The following UBAP2L variants were observed in gnomAD, a reference collection of about 807,000 sequenced individuals.
The protein encoded by UBAP2L is ubiquitin-associated protein 2-like.
Under a neutral mutation model 130.6 loss-of-function variants are expected in UBAP2L, and 12 were observed. The observed-to-expected ratio is 0.09, with a 90% CI of 0.06 to 0.15. The LOEUF is 0.15. Ranked by LOEUF, UBAP2L falls within the 10% of genes least tolerant of loss-of-function variation. UBAP2L has a pLI of 1.00. For synonymous variants in UBAP2L, 503 were observed against 524.7 expected (o/e 0.96, Z 0.57); for missense variants, 965 against 1,332.5 (o/e 0.72, Z 4.29).
intron 2 of UBAP2L, among the ~76,000 whole-genome samples, chr1:154,226,827 G>A (rs532287301): frequency 2.0e-5 from 3 of 152,106 alleles, no homozygotes; most frequent in Non-Finnish European, 4.4e-5. Context: ...ACTGATTTAA[G>A]CATCTTTTTT....
upstream of UBAP2L, chr1:154,220,505 G>A (rs1190390370): frequency 8.7e-6 from 12 of 1,379,074 alleles, no homozygotes; most frequent in East Asian, 2.8e-4. Context: ...GTCCCCTGGA[G>A]CTCCCCGGCC....
chr1:154,243,495 G>C (rs1455215574), intron 10 of UBAP2L, among the ~76,000 whole-genome samples, 193 bp downstream of exon 10: 4 of 151,296 alleles, frequency 2.6e-5, no homozygotes, highest in Non-Finnish European at 5.9e-5. Context: ...GAGTCTCACT[G>C]TATCGGCCAG....
chr1:154,253,470 C>T lies in UBAP2L; in HGVS notation c.1665-430C>T, dbSNP rs558822817. Among the ~76,000 whole-genome samples the T allele has an allele frequency of 8.7e-5, 13 of 148,798 alleles. No homozygotes were observed. The East Asian group carries it at 1.6e-3, about 18-fold the overall frequency. ...CTTGATCTCGGCTCACTGCAAGCTG[C>T]GCCTCCCGGGTTCATGCCAGTCTCC... On this transcript the variant is annotated intron_variant, in intron 14 of 26. Coordinates refer to ENST00000428931, the MANE Select transcript of UBAP2L (RefSeq NM_014847.4).
chr1:154,229,097 T>G (rs1668946161), intron 4 of UBAP2L, among the ~76,000 whole-genome samples: 1 of 151,250 alleles, frequency 6.6e-6, no homozygotes, highest in Non-Finnish European at 1.5e-5. Flanking sequence ...TGATTCTGTT[T>G]TTTTTTCTTT....
chr1:154,220,192 C>T (rs182456089), upstream of UBAP2L: 118 of 1,028,272 alleles, frequency 1.1e-4, no homozygotes, highest in East Asian at 2.8e-3. Context: ...GACTAAGTGA[C>T]TTAAACTCCC....
chr1:154,223,990 A>G (rs1301901175), intron 1 of UBAP2L, among the ~76,000 whole-genome samples: 2 of 152,228 alleles, frequency 1.3e-5, no homozygotes, highest in African/African-American at 4.8e-5. Flanking sequence ...GTAACCTATT[A>G]TTTTGAACAC....
At chr1:154,267,151 G>GTTTTTTTTT (rs36051247) in intron 25 of UBAP2L, among the ~76,000 whole-genome samples, 1 of 108,622 alleles carries the variant, frequency 9.2e-6, no homozygotes, top group African/African-American at 3.3e-5. Flanking sequence ...TATCCAACGA[G>GTTTTTTTTT]TTTTTTTTTT....
At chr1:154,246,110 A>C in intron 10 of UBAP2L, 94 bp from the exon 11 acceptor site, 3 of 1,372,748 alleles carry the variant, frequency 2.2e-6, no homozygotes, top group Non-Finnish European at 3.0e-6. Context: ...AAGCCCCAGC[A>C]AGTGGCTTCA....
chr1:154,268,663 G>C, intron 25 of UBAP2L, 94 bp from the exon 26 acceptor site: 1 of 1,270,724 alleles, frequency 7.9e-7, no homozygotes. Context: ...ACACCATGCT[G>C]CTTTCTGAGG....
At chr1:154,260,866 G>A in intron 22 of UBAP2L, 26 bp from the exon 23 acceptor site, 1 of 1,610,588 alleles carries the variant, frequency 6.2e-7, no homozygotes. Context: ...GAAAGAGGCA[G>A]GTACATTTAG....
At position 154,236,479 on chromosome 1, in the gene UBAP2L, C is replaced by A. The variant is rs1053412339; in HGVS notation, c.545-87C>A. 3.5e-6 allele frequency: 5 copies of A among 1,423,844 alleles called. No homozygotes were observed. The Admixed American group carries it at 5.1e-5, about 14-fold the overall frequency. 88.2% of individuals were successfully genotyped at this position (1,423,844 alleles called of 1,614,324 possible). On this transcript the variant is annotated intron_variant, in intron 6 of 26. Transcript: ENST00000428931. ...CCTTTCAAAGTGCTGGGATTACCAC[C>A]GGGAGCCACTGTGCCTGCCTGGCAA...
intron 14 of UBAP2L, among the ~76,000 whole-genome samples, chr1:154,253,651 C>T (rs1203126431): frequency 3.3e-5 from 5 of 152,130 alleles, no homozygotes; most frequent in Admixed American, 2.0e-4. Flanking sequence ...GGATTACAGG[C>T]GTGAGCCACT....
rs1246874540 is a variant in UBAP2L, at chr1:154,250,961, A to G, written c.1214-80A>G. ...TTTCTGATTTTTACAGTCCTCATTC[A>G]TGGTGCTAGTGCAGGACAATAGCAT... On this transcript the variant is annotated intron_variant, in intron 12 of 26. Coordinates refer to ENST00000428931, the MANE Select transcript of UBAP2L (RefSeq NM_014847.4). The G allele has an allele frequency of 2.1e-6, 3 of 1,438,174 alleles. No individual in the cohort carries two copies. In the Admixed American group the frequency reaches 6.5e-5, roughly 31 times the overall value. 89.1% of individuals were successfully genotyped at this position (1,438,174 alleles called of 1,614,324 possible).
intron 8 of UBAP2L, among the ~76,000 whole-genome samples, chr1:154,239,325 C>T (rs947206139): frequency 1.3e-5 from 2 of 151,988 alleles, no homozygotes; most frequent in African/African-American, 4.8e-5. Flanking sequence ...CAGACTGCTC[C>T]TGGTATGATA....
rs577091763 is a variant in UBAP2L, at chr1:154,254,861, C to T, written c.1880C>T (p.Thr627Met). The T allele has an allele frequency of 1.2e-5, 19 of 1,603,198 alleles. No homozygotes were observed. Among genetic ancestry groups the T allele is most frequent in the African/African-American group, 2.7e-5 (2 of 73,802 alleles). The change falls in exon 16 of 27, where the codon ACG becomes ATG. Residue 627 changes from threonine to methionine, a missense_variant. This residue lies in a region of UBAP2L where 393 missense variants were observed against 408.1 expected (regional missense o/e 0.96). Transcript: ENST00000428931. The stretch of plus-strand genomic sequence containing the variant: ...AATGGCTTCAGTTCTGTGCAGGCCA[C>T]GCAGTTACAGACCACACAATCTGTT... ...AKNGFSSVQA[T>M]QLQTTQSVEG... is the part of the protein sequence containing the mutation.
At chr1:154,244,613 C>T (rs1286146979) in intron 10 of UBAP2L, among the ~76,000 whole-genome samples, 1 of 152,156 alleles carries the variant, frequency 6.6e-6, no homozygotes, top group African/African-American at 2.4e-5. Flanking sequence ...CCACCTCAGC[C>T]TCCCAAAGTG....
At chr1:154,220,613 CT>C (rs1160264675), upstream of UBAP2L, 2 of 602,202 alleles carry the variant, frequency 3.3e-6, no homozygotes, top group East Asian at 2.8e-5. Context: ...CAGCTTCCCC[CT>C]GACACGTGAC....
chr1:154,236,633 T>G, intron 7 of UBAP2L, 22 bp downstream of exon 7: 1 of 1,613,660 alleles, frequency 6.2e-7, no homozygotes, highest in Admixed American at 1.7e-5. Context: ...TGATCTAGTG[T>G]CTTAATTTTT....
chr1:154,257,342 T>G lies in UBAP2L; in HGVS notation c.2354-4T>G. 6.2e-7 allele frequency: 1 copy of G among 1,614,102 alleles called. No homozygotes were observed. Among genetic ancestry groups the G allele is most frequent in the East Asian group, 2.2e-5 (1 of 44,892 alleles). ...ATGGGATAAAAATGTAATTTCTCTTTTAGGAAAAGCTCCTCCCAACCTCCC... is the reference window on the plus strand; with the variant it reads ...ATGGGATAAAAATGTAATTTCTCTTGTAGGAAAAGCTCCTCCCAACCTCCC... On this transcript the variant is annotated splice_region_variant and splice_polypyrimidine_tract_variant and intron_variant, in intron 19 of 26. Transcript: ENST00000428931.
Sources: gnomAD v4.1 joint callset for allele counts (sites outside exome capture counted in the v4.1 genomes callset) on GRCh38, gnomAD v4.1.1 for gene constraint, gnomAD v4.1.1 regional missense constraint, MANE v1.5 for transcripts, NCBI Gene and HGNC (gene_info 2026-07-23, HGNC 2026-07-21) for gene names.